The following ITGBL1 variants were observed in gnomAD, a reference collection of about 807,000 sequenced individuals.
The protein encoded by ITGBL1 is integrin beta-like protein 1.
ITGBL1 carries 51 observed loss-of-function variants against 68.5 expected under a neutral mutation model. The observed-to-expected ratio is 0.74, with a 90% confidence interval of 0.59 to 0.94. The LOEUF is 0.94. ITGBL1 is among the 40% of genes least tolerant of loss of function. The probability of loss-of-function intolerance (pLI) is 0.00; values close to 1 mark genes in which losing one functional copy is unlikely to be tolerated. For synonymous variants in ITGBL1, 209 were observed against 227.3 expected, an observed-to-expected ratio of 0.92 and a Z score of 0.72; for missense variants, 649 against 647.4, an observed-to-expected ratio of 1.00 and a Z score of -0.03.
At chr13:101,485,979 A>G (rs1327887028) in intron 2 of ITGBL1, among the ~76,000 whole-genome samples, 3 of 152,242 alleles carry the variant, frequency 2.0e-5, no homozygotes, top group Admixed American at 6.5e-5. Context: ...CCATCAATCC[A>G]GCAATCCCAC....
intron 7 of ITGBL1, among the ~76,000 whole-genome samples, chr13:101,637,534 G>A (rs1006342919): frequency 6.6e-6 from 1 of 151,846 alleles, no homozygotes; most frequent in Non-Finnish European, 1.5e-5. Context: ...TAGTAGAGAT[G>A]GGGTTTCATT....
chr13:101,659,816 T>A (rs1381757394), intron 7 of ITGBL1, among the ~76,000 whole-genome samples: 3 of 152,120 alleles, frequency 2.0e-5, no homozygotes, highest in Non-Finnish European at 4.4e-5. Context: ...TATATGTGTG[T>A]AGGAGTGCAG....
chr13:101,620,984 C>T (rs1259247604), intron 7 of ITGBL1, among the ~76,000 whole-genome samples: 1 of 152,066 alleles, frequency 6.6e-6, no homozygotes, highest in African/African-American at 2.4e-5. Context: ...CACCTTTCCT[C>T]TCCAAAAGAA....
intron 2 of ITGBL1, among the ~76,000 whole-genome samples, chr13:101,544,021 G>C (rs1368560387): frequency 6.6e-6 from 1 of 152,146 alleles, no homozygotes; most frequent in African/African-American, 2.4e-5. Flanking sequence ...GCTCGGAGTA[G>C]TTTGATTGTC....
chr13:101,570,648 G>A (rs1324853276), intron 3 of ITGBL1, among the ~76,000 whole-genome samples: 2 of 152,166 alleles, frequency 1.3e-5, no homozygotes, highest in Non-Finnish European at 1.5e-5. Context: ...GGGAATGCAA[G>A]TGGGAGGCTT....
intron 3 of ITGBL1, among the ~76,000 whole-genome samples, chr13:101,568,944 A>C (rs993112080): frequency 4.6e-5 from 7 of 151,424 alleles, no homozygotes; most frequent in Non-Finnish European, 8.8e-5. Context: ...TGATGTTCTC[A>C]TCATATTTCT....
intron 8 of ITGBL1, among the ~76,000 whole-genome samples, chr13:101,705,451 T>C: frequency 6.6e-6 from 1 of 152,092 alleles, no homozygotes; most frequent in Admixed American, 6.6e-5. Context: ...CTTCACTCCA[T>C]TTACTCTACT....
At chr13:101,523,866 A>G (rs1445264430) in intron 2 of ITGBL1, among the ~76,000 whole-genome samples, 1 of 152,198 alleles carries the variant, frequency 6.6e-6, no homozygotes, top group Non-Finnish European at 1.5e-5. Flanking sequence ...GAAAGGACGG[A>G]CATTTCATGC....
At chr13:101,536,278 A>C (rs1249499432) in intron 2 of ITGBL1, among the ~76,000 whole-genome samples, 1 of 151,970 alleles carries the variant, frequency 6.6e-6, no homozygotes, top group Non-Finnish European at 1.5e-5. Context: ...AATAGAACAA[A>C]TTGTATTTTT....
chr13:101,627,996 G>C, intron 7 of ITGBL1, among the ~76,000 whole-genome samples: 1 of 152,184 alleles, frequency 6.6e-6, no homozygotes, highest in Non-Finnish European at 1.5e-5. Flanking sequence ...CATATAGTAT[G>C]TTTAGTTCAG....
At chr13:101,495,056 G>A (rs1335248907) in intron 2 of ITGBL1, among the ~76,000 whole-genome samples, 1 of 152,124 alleles carries the variant, frequency 6.6e-6, no homozygotes, top group African/African-American at 2.4e-5. Context: ...ATGTTGGAAG[G>A]GTTTTGAATC....
At chr13:101,656,718 A>G (rs896468707) in intron 7 of ITGBL1, among the ~76,000 whole-genome samples, 17 of 152,286 alleles carry the variant, frequency 1.1e-4, no homozygotes, top group African/African-American at 3.8e-4. Context: ...TTTTTCTTTC[A>G]TTTATAGATA....
intron 7 of ITGBL1, among the ~76,000 whole-genome samples, chr13:101,623,945 A>G (rs931968475): frequency 1.3e-5 from 2 of 152,216 alleles, no homozygotes; most frequent in Admixed American, 1.3e-4. Flanking sequence ...CTAAAAGAAC[A>G]AATTTTGTAA....
chr13:101,572,584 G>A (rs2050291028), intron 3 of ITGBL1, among the ~76,000 whole-genome samples: 1 of 152,156 alleles, frequency 6.6e-6, no homozygotes, highest in South Asian at 2.1e-4. Flanking sequence ...GAGAGAAGCT[G>A]TGTGTGTCAT....
chr13:101,720,528 CTCTGTG>C (rs1455394385), downstream of ITGBL1: 5 of 92,694 alleles, frequency 5.4e-5, no homozygotes, highest in African/African-American at 1.9e-4. Context: ...GGGGTGTTTG[CTCTGTG>C]TGTGTGTGTG....
At chr13:101,616,839 A>C (rs771461346) in intron 7 of ITGBL1, among the ~76,000 whole-genome samples, 6 of 152,164 alleles carry the variant, frequency 3.9e-5, no homozygotes, top group Non-Finnish European at 8.8e-5. Context: ...CCTTGGCCAG[A>C]ATAATCTGCA....
intron 2 of ITGBL1, among the ~76,000 whole-genome samples, chr13:101,524,694 T>TA (rs1469206222): frequency 2.0e-5 from 3 of 151,524 alleles, no homozygotes; most frequent in Non-Finnish European, 4.4e-5. Flanking sequence ...ATACCAAAAT[T>TA]AAAAAATGAC....
chr13:101,579,245 G>T, intron 4 of ITGBL1, 42 bp from the exon 5 acceptor site: 1 of 1,597,830 alleles, frequency 6.3e-7, no homozygotes, highest in Non-Finnish European at 8.6e-7. Flanking sequence ...GCTTATGAAA[G>T]TTGCTTTTTT....
At chr13:101,668,803 A>G (rs2033285896) in intron 7 of ITGBL1, among the ~76,000 whole-genome samples, 1 of 152,196 alleles carries the variant, frequency 6.6e-6, no homozygotes, top group South Asian at 2.1e-4. Context: ...AAAATAATAA[A>G]CATTAATTTC....
Sources: gnomAD v4.1 joint callset for allele counts (sites outside exome capture counted in the v4.1 genomes callset) on GRCh38, gnomAD v4.1.1 for gene constraint, MANE v1.5 for transcripts, NCBI Gene and HGNC (gene_info 2026-07-23, HGNC 2026-07-21) for gene names.